RAD54B: variants seen among roughly 807,000 people sequenced by gnomAD.
RAD54B encodes DNA repair and recombination protein RAD54B.
A neutral mutation model predicts 95.8 loss-of-function variants in RAD54B; 78 were observed. That is an observed-to-expected ratio of 0.81 (90% confidence interval 0.68 to 0.98). RAD54B has a LOEUF of 0.98. RAD54B is among the 50% of genes least tolerant of loss of function. RAD54B has a pLI of 0.00. For synonymous variants in RAD54B, 328 were observed against 354.9 expected (o/e 0.92, Z 0.85); for missense variants, 957 against 1,056.6 (o/e 0.91, Z 1.31).
intron 3 of RAD54B, among the ~76,000 whole-genome samples, chr8:94,420,849 G>A (rs1055008249): frequency 6.6e-6 from 1 of 151,858 alleles, no homozygotes; most frequent in Non-Finnish European, 1.5e-5. Flanking sequence ...GCCAGACGTG[G>A]TGGTGGGCGT....
intron 9 of RAD54B, among the ~76,000 whole-genome samples, chr8:94,392,115 A>G (rs1811036903): frequency 6.6e-6 from 1 of 152,240 alleles, no homozygotes; most frequent in African/African-American, 2.4e-5. Context: ...TCTCCTAAAT[A>G]ACAAAATAAT....
Position 94,458,444 on chromosome 8 carries a change from A to C in RAD54B, c.136-8T>G. 6.5e-7 allele frequency: 1 copy of C among 1,540,410 alleles called. No homozygotes were observed. The highest frequency in any genetic ancestry group is 8.7e-7 in the Non-Finnish European group (1 of 1,147,608). On this transcript the variant is annotated splice_region_variant and splice_polypyrimidine_tract_variant and intron_variant, in intron 2 of 14. Coordinates refer to ENST00000336148, the MANE Select transcript of RAD54B (RefSeq NM_012415.3). ...GTTATTAATTGCAACACCCTAAAAG[A>C]AACAAATATATATTTAAATCAGAAC...
At position 94,404,166 on chromosome 8, in the gene RAD54B, A is replaced by T; in HGVS notation, c.855T>A (p.Asp285Glu). ...VFNKNCFPLV[D>E]VVIDPYLVYH... ...ATACAAGGTAAGGATCAATCACTAC[A>T]TCCACAAGAGGGAAACAGTTCTTAT... Residue 285 changes from aspartate to glutamate, a missense_variant, in exon 6 of 15, where the codon GAT becomes GAA. Physicochemically the swap from Asp to Glu is conservative, Grantham distance 45 (BLOSUM62 2). Coordinates refer to ENST00000336148, the MANE Select transcript of RAD54B (RefSeq NM_012415.3). The T allele has an allele frequency of 1.2e-6, 2 of 1,611,426 alleles. No individual in the cohort carries two copies. The highest frequency in any genetic ancestry group is 1.7e-6 in the Non-Finnish European group (2 of 1,177,944).
At chr8:94,413,682 A>G (rs957278254) in intron 3 of RAD54B, among the ~76,000 whole-genome samples, 14 of 152,202 alleles carry the variant, frequency 9.2e-5, no homozygotes, top group Admixed American at 2.6e-4. Flanking sequence ...ATAAAAATCA[A>G]AAATTATTAA....
At chr8:94,472,072 A>T (rs1813184682) in intron 1 of RAD54B, among the ~76,000 whole-genome samples, 1 of 152,150 alleles carries the variant, frequency 6.6e-6, no homozygotes, top group South Asian at 2.1e-4. Flanking sequence ...GCCTTTATAT[A>T]GTTTGAGGAA....
intron 3 of RAD54B, chr8:94,431,927 A>G: frequency 8.1e-7 from 1 of 1,237,336 alleles, no homozygotes; most frequent in East Asian, 3.1e-5. Context: ...AAAAAAGAAG[A>G]CAATAAAAAC....
intron 3 of RAD54B, among the ~76,000 whole-genome samples, chr8:94,456,299 G>T (rs574193956): frequency 6.6e-6 from 1 of 152,264 alleles, no homozygotes; most frequent in African/African-American, 2.4e-5. Context: ...ACTTATCAGG[G>T]CTCTTTCAGT....
chr8:94,424,352 G>A (rs1314809981), intron 3 of RAD54B, among the ~76,000 whole-genome samples: 1 of 152,170 alleles, frequency 6.6e-6, no homozygotes, highest in Non-Finnish European at 1.5e-5. Flanking sequence ...CCTACTGTGA[G>A]CAAGGATTAG....
chr8:94,436,781 C>T, intron 3 of RAD54B: 2 of 1,550,010 alleles, frequency 1.3e-6, no homozygotes, highest in Non-Finnish European at 1.7e-6. Context: ...GTGTGTTCTT[C>T]GAGAATTTTC....
At chr8:94,424,980 T>C (rs1411881507) in intron 3 of RAD54B, among the ~76,000 whole-genome samples, 3 of 146,576 alleles carry the variant, frequency 2.0e-5, no homozygotes, top group Non-Finnish European at 1.5e-5. Context: ...GTAGGTTGCT[T>C]GAGCCCAGGA....
chr8:94,452,600 C>T (rs1484687073), intron 3 of RAD54B, among the ~76,000 whole-genome samples: 1 of 152,098 alleles, frequency 6.6e-6, no homozygotes, highest in Admixed American at 6.6e-5. Context: ...TGGGTTCACA[C>T]CATTATCCTG....
chr8:94,446,473 T>C (rs898771601), intron 3 of RAD54B, among the ~76,000 whole-genome samples: 3 of 152,160 alleles, frequency 2.0e-5, no homozygotes, highest in Admixed American at 6.5e-5. Flanking sequence ...CTGGCTACCA[T>C]TTTACAACAA....
chr8:94,372,675 T>C, intron 14 of RAD54B, among the ~76,000 whole-genome samples: 1 of 152,102 alleles, frequency 6.6e-6, no homozygotes, highest in East Asian at 1.9e-4. Context: ...ATCTGAAAAA[T>C]GTATTACAAA....
Position 94,372,463 on chromosome 8 carries a change from G to A in RAD54B, c.2516-76C>T, listed in dbSNP as rs28574793. 3,426 of 1,548,396 alleles carry A rather than the reference G, an allele frequency of 2.2e-3. 65 individuals carry two copies. The African/African-American group carries it at 0.042, about 19-fold the overall frequency. ...TAAATACAATACTTTTTTGTTTTAT[G>A]ATAATTAGTTTATGTGATTTATTAC... On this transcript the variant is annotated intron_variant, in intron 14 of 14. Coordinates refer to ENST00000336148, the MANE Select transcript of RAD54B (RefSeq NM_012415.3).
intron 14 of RAD54B, among the ~76,000 whole-genome samples, chr8:94,372,604 T>G (rs911372105): frequency 1.3e-5 from 2 of 152,236 alleles, no homozygotes; most frequent in African/African-American, 4.8e-5. Flanking sequence ...AACACAGGCA[T>G]GGTCTCTGAC....
chr8:94,387,399 G>A (rs985382790), intron 10 of RAD54B: 1 of 323,668 alleles, frequency 3.1e-6, no homozygotes, highest in African/African-American at 2.1e-5. Context: ...CCTTCACCCT[G>A]CAAGTGTAGT....
intron 2 of RAD54B, among the ~76,000 whole-genome samples, chr8:94,465,100 T>C (rs927835123): frequency 5.9e-5 from 8 of 136,030 alleles, no homozygotes; most frequent in African/African-American, 2.2e-4. Context: ...AAGGGACAAA[T>C]ATCCAAACTC....
At chr8:94,442,576 G>GAAAAAAA (rs531694623) in intron 3 of RAD54B, among the ~76,000 whole-genome samples, 1 of 45,644 alleles carries the variant, frequency 2.2e-5, no homozygotes, top group African/African-American at 8.2e-5. Context: ...CTCTGTCTCA[G>GAAAAAAA]AAAAAAAAAA....
At chr8:94,427,570 G>T in intron 3 of RAD54B, 1 of 294,044 alleles carries the variant, frequency 3.4e-6, no homozygotes, top group Non-Finnish European at 5.1e-6. Context: ...GAAATGAAAT[G>T]TGATATTTAG....
Sources: allele counts gnomAD v4.1 joint callset (sites outside exome capture counted in the v4.1 genomes callset), GRCh38; gene constraint gnomAD v4.1.1; transcripts MANE v1.5; gene names NCBI Gene and HGNC (gene_info 2026-07-23, HGNC 2026-07-21).